IRAK4: variants seen among roughly 807,000 people sequenced by gnomAD.
IRAK4 encodes the protein interleukin-1 receptor-associated kinase 4.
IRAK4 carries 44 observed loss-of-function variants against 51.8 expected under a neutral mutation model. The ratio of observed to expected loss-of-function variants is 0.85; its 90% CI spans 0.67 to 1.09. The LOEUF (loss-of-function observed/expected upper bound fraction) is 1.09, where lower values mean the gene tolerates loss of function less well. Among genes scored for constraint, IRAK4 ranks in the 50% least tolerant of loss-of-function variants. The pLI is 0.00. For missense variants in IRAK4, 487 were observed against 538.0 expected (o/e 0.91, Z 0.94); for synonymous variants, 149 against 174.1 (o/e 0.86, Z 1.13).
chr12:43,762,177 T>A (rs112524459), intron 1 of IRAK4, among the ~76,000 whole-genome samples: 95 of 152,060 alleles, frequency 6.2e-4, no homozygotes, highest in Non-Finnish European at 1.2e-3. Context: ...TGGTTGGGAG[T>A]GGTATATGAA....
intron 2 of IRAK4, among the ~76,000 whole-genome samples, chr12:43,769,336 G>C (rs189459654): frequency 6.6e-6 from 1 of 152,292 alleles, no homozygotes; most frequent in East Asian, 1.9e-4. Context: ...GGTTGTTCTC[G>C]TGCATGTGAG....
At chr12:43,764,825 A>C (rs899383486) in intron 1 of IRAK4, among the ~76,000 whole-genome samples, 1 of 152,182 alleles carries the variant, frequency 6.6e-6, no homozygotes, top group Non-Finnish European at 1.5e-5. Flanking sequence ...TTTAGTTTAG[A>C]AACACTTAGA....
chr12:43,764,368 A>C (rs568437083), intron 1 of IRAK4, among the ~76,000 whole-genome samples: 20 of 152,310 alleles, frequency 1.3e-4, no homozygotes, highest in African/African-American at 4.8e-4. Context: ...AGGTTGCAGT[A>C]AGCCAAAATT....
chr12:43,783,025 A>C (rs1941912479), intron 9 of IRAK4, among the ~76,000 whole-genome samples: 1 of 152,174 alleles, frequency 6.6e-6, no homozygotes, highest in African/African-American at 2.4e-5. Flanking sequence ...TATTCTTGTG[A>C]AGAATCCCCA....
intron 3 of IRAK4, 22 bp from the exon 4 acceptor site, chr12:43,772,158 T>C: frequency 6.3e-7 from 1 of 1,599,192 alleles, no homozygotes; most frequent in Non-Finnish European, 8.6e-7. Context: ...AAAAACCACT[T>C]GTATCTTACT....
At chr12:43,783,112 A>G (rs1003512964) in intron 9 of IRAK4, among the ~76,000 whole-genome samples, 3 of 152,114 alleles carry the variant, frequency 2.0e-5, no homozygotes, top group African/African-American at 7.2e-5. Context: ...GCCAATAGAA[A>G]AGAGCTGCTT....
chr12:43,780,967 G>T (rs1358336538), intron 8 of IRAK4, among the ~76,000 whole-genome samples: 1 of 152,086 alleles, frequency 6.6e-6, no homozygotes, highest in East Asian at 1.9e-4. Flanking sequence ...TCCAATCCTG[G>T]ATTTTTAGTA....
chr12:43,776,477 A>G (rs563029466), intron 6 of IRAK4, among the ~76,000 whole-genome samples: 19 of 152,372 alleles, frequency 1.2e-4, no homozygotes, highest in African/African-American at 4.6e-4. Flanking sequence ...AATTGATATA[A>G]TGAACTGCTA....
intron 6 of IRAK4, among the ~76,000 whole-genome samples, chr12:43,776,070 A>T (rs1023026222): frequency 6.6e-6 from 1 of 151,698 alleles, no homozygotes; most frequent in Non-Finnish European, 1.5e-5. Flanking sequence ...TATTTTTAGT[A>T]GAGACGGGGT....
chr12:43,775,381 A>G (rs1165702348), intron 6 of IRAK4, among the ~76,000 whole-genome samples: 2 of 152,338 alleles, frequency 1.3e-5, no homozygotes, highest in East Asian at 3.9e-4. Context: ...GCAAACCACT[A>G]TGGTACACGT....
intron 1 of IRAK4, chr12:43,760,791 AC>A (rs1439729747): frequency 6.6e-6 from 1 of 152,128 alleles, no homozygotes; most frequent in African/African-American, 2.4e-5. Context: ...TTCACTTGGC[AC>A]CATCTAACAT....
intron 1 of IRAK4, among the ~76,000 whole-genome samples, chr12:43,765,918 T>G (rs1371929248): frequency 6.6e-6 from 1 of 152,054 alleles, no homozygotes; most frequent in African/African-American, 2.4e-5. Context: ...TGATTTGGCC[T>G]CCTAAATGTT....
chr12:43,765,078 A>G (rs1472912830), intron 1 of IRAK4, among the ~76,000 whole-genome samples: 3 of 152,192 alleles, frequency 2.0e-5, no homozygotes, highest in Non-Finnish European at 2.9e-5. Context: ...TTTTGAGGAA[A>G]TGGTTTAGGA....
chr12:43,770,367 C>T (rs890313867), intron 2 of IRAK4, among the ~76,000 whole-genome samples: 1 of 151,930 alleles, frequency 6.6e-6, no homozygotes, highest in African/African-American at 2.4e-5. Context: ...AGTAATATTG[C>T]TAGTAGATTA....
intron 6 of IRAK4, among the ~76,000 whole-genome samples, chr12:43,775,503 C>T (rs1275316854): frequency 6.6e-6 from 1 of 152,188 alleles, no homozygotes; most frequent in Non-Finnish European, 1.5e-5. Context: ...TTTTTATATA[C>T]TTGCTTCATG....
rs1283008074 is a variant in IRAK4 at position 43,778,313 on chromosome 12, CT to C, written c.941+12del. ...TAGAGATATTAAAAGGTAAATGCTA[CT>C]GTTTAAAAGTTTTTGGAAAGCTGTC... On this transcript the variant is annotated intron_variant, in intron 8 of 11. Coordinates refer to ENST00000613694, the MANE Select transcript of IRAK4 (RefSeq NM_016123.4). 1 of 1,453,716 alleles carries C rather than the reference CT, an allele frequency of 6.9e-7. No homozygotes were observed. Among genetic ancestry groups the C allele is most frequent in the Admixed American group, 1.7e-5 (1 of 59,792 alleles). 90.1% of individuals were successfully genotyped at this position (1,453,716 alleles called of 1,614,324 possible). A position where few individuals can be genotyped will look rare whatever the true frequency, so the allele number is the denominator to read the frequency against.
intron 5 of IRAK4, 120 bp from the exon 6 acceptor site, chr12:43,773,845 G>C: frequency 1.4e-6 from 1 of 694,168 alleles, no homozygotes; most frequent in Non-Finnish European, 2.6e-6. Flanking sequence ...CTGTAGAATT[G>C]GGAGAATAAT....
intron 1 of IRAK4, among the ~76,000 whole-genome samples, chr12:43,762,700 C>T (rs1592207754): frequency 6.6e-6 from 1 of 152,104 alleles, no homozygotes; most frequent in Admixed American, 6.5e-5. Flanking sequence ...GACTAGGTGA[C>T]ATTTTGGAGC....
At chr12:43,779,982 T>C (rs562233284) in intron 8 of IRAK4, among the ~76,000 whole-genome samples, 2 of 152,240 alleles carry the variant, frequency 1.3e-5, no homozygotes, top group Non-Finnish European at 2.9e-5. Flanking sequence ...TAAGACTTAA[T>C]GGCCAAATAG....
Sources: gnomAD v4.1 joint callset for allele counts (sites outside exome capture counted in the v4.1 genomes callset) on GRCh38, gnomAD v4.1.1 for gene constraint, MANE v1.5 for transcripts, NCBI Gene and HGNC (gene_info 2026-07-23, HGNC 2026-07-21) for gene names.